SMOX: variants seen among roughly 807,000 people sequenced by gnomAD.
SMOX encodes the protein spermine oxidase, also known as flavin containing amine oxidase.
A neutral mutation model predicts 51.0 loss-of-function variants in SMOX; 22 were observed. That is an observed-to-expected ratio of 0.43 (90% CI 0.31 to 0.62). The LOEUF (loss-of-function observed/expected upper bound fraction) is 0.62. SMOX is among the 20% of genes least tolerant of loss of function. The pLI is 0.10. For missense variants in SMOX, 566 were observed against 777.7 expected (o/e 0.73, Z 3.24); for synonymous variants, 282 against 307.8 (o/e 0.92, Z 0.88).
intron 3 of SMOX, among the ~76,000 whole-genome samples, chr20:4,178,858 T>G (rs1236974923): frequency 6.6e-6 from 1 of 152,106 alleles, no homozygotes; most frequent in African/African-American, 2.4e-5. Context: ...TAATTTTGTA[T>G]TTTTAGTAGA....
intron 3 of SMOX, among the ~76,000 whole-genome samples, chr20:4,179,259 T>C (rs1332625432): frequency 6.6e-6 from 1 of 152,224 alleles, no homozygotes; most frequent in African/African-American, 2.4e-5. Context: ...TGGATGCCTC[T>C]TGAAAATGAC....
rs1032170744 is a variant in SMOX, at chr20:4,170,975, A to T, written c.-26-4055A>T. On this transcript the variant is annotated intron_variant, in intron 1 of 6. Transcript: ENST00000305958. The surrounding 1 kb of genome is among the most constrained non-coding windows in gnomAD (Gnocchi z 4.6). The stretch of plus-strand genomic sequence containing the variant: ...CTTGGGGACATGGAGAATAACCTCA[A>T]GGCGTGGGTGCAGGCGCTGGGCAAG... Among the ~76,000 whole-genome samples the T allele has an allele frequency of 1.1e-4, 17 of 152,162 alleles. No homozygotes were observed. Among genetic ancestry groups the T allele is most frequent in the African/African-American group, 4.1e-4 (17 of 41,440 alleles).
At chr20:4,163,357 G>A (rs1404271173) in intron 1 of SMOX, among the ~76,000 whole-genome samples, 1 of 152,322 alleles carries the variant, frequency 6.6e-6, no homozygotes, top group Admixed American at 6.5e-5. Context: ...TGTAGGGCCT[G>A]GGCCAGGCTC....
chr20:4,158,426 C>A (rs1267306220), intron 1 of SMOX, among the ~76,000 whole-genome samples: 1 of 152,148 alleles, frequency 6.6e-6, no homozygotes, highest in African/African-American at 2.4e-5. Flanking sequence ...TGAGGAAAAG[C>A]ATCTGGATTC....
rs1483448145 is a variant in SMOX at position 4,166,661 on chromosome 20, G to A, written c.-26-8369G>A. ...AAAGGGTCCTGAAACAATGAACCTC[G>A]GTGGTATGCAGGACACCAAGGGAAA... On this transcript the variant is annotated intron_variant, in intron 1 of 6. Transcript: ENST00000305958. The surrounding 1 kb of genome is among the most constrained non-coding windows in gnomAD (Gnocchi z 4.2). Among the ~76,000 whole-genome samples the A allele has an allele frequency of 6.6e-6, 1 of 152,196 alleles. No homozygotes were observed. Among genetic ancestry groups the A allele is most frequent in the African/African-American group, 2.4e-5 (1 of 41,446 alleles).
intron 1 of SMOX, among the ~76,000 whole-genome samples, chr20:4,168,070 T>TC (rs1986645413): frequency 9.2e-6 from 1 of 108,520 alleles, no homozygotes; most frequent in Admixed American, 1.4e-4. Context: ...CTCCCCAGCT[T>TC]CCCTCCCACT....
intron 1 of SMOX, among the ~76,000 whole-genome samples, chr20:4,155,536 G>C (rs1290534440): frequency 6.6e-6 from 1 of 152,118 alleles, no homozygotes; most frequent in Non-Finnish European, 1.5e-5. Context: ...GTCCCTCCAG[G>C]GGGGTTATCA....
At chr20:4,162,935 G>A (rs1315551311) in intron 1 of SMOX, among the ~76,000 whole-genome samples, 1 of 152,230 alleles carries the variant, frequency 6.6e-6, no homozygotes, top group Non-Finnish European at 1.5e-5. Flanking sequence ...GTGTCGGTGT[G>A]TGAGCAAGGT....
chr20:4,183,367 C>T lies in SMOX; in HGVS notation c.1370-127C>T. On this transcript the variant is annotated intron_variant, in intron 5 of 6. Coordinates refer to ENST00000305958, the MANE Select transcript of SMOX (RefSeq NM_175839.3). This position sits in a 1 kb window ranked among gnomAD's most constrained non-coding sequence, Gnocchi z 4.3. Reference sequence around the variant, plus strand: ...CTCCTTCCTCTTCTATCCTCCGTGCCTACCCCTGGCAGTCTGGTCCTCCCG... The same window carrying T: ...CTCCTTCCTCTTCTATCCTCCGTGCTTACCCCTGGCAGTCTGGTCCTCCCG... The T allele has an allele frequency of 1.4e-6, 2 of 1,395,544 alleles. No individual in the cohort carries two copies. Among genetic ancestry groups the T allele is most frequent in the South Asian group, 2.3e-5 (2 of 85,708 alleles). 86.4% of individuals were successfully genotyped at this position (1,395,544 alleles called of 1,614,324 possible). A position where few individuals can be genotyped will look rare whatever the true frequency, so the allele number is the denominator to read the frequency against.
At chr20:4,152,812 G>A (rs1041961674) in intron 1 of SMOX, among the ~76,000 whole-genome samples, 2 of 152,302 alleles carry the variant, frequency 1.3e-5, no homozygotes, top group East Asian at 3.9e-4. Context: ...GAAGACTGAG[G>A]CACAGTCATA....
At chr20:4,180,401 C>A (rs540941553) in intron 3 of SMOX, among the ~76,000 whole-genome samples, 2 of 152,280 alleles carry the variant, frequency 1.3e-5, no homozygotes, top group South Asian at 4.1e-4. Context: ...AGGGCAGACA[C>A]CATTCCCAGA....
intron 1 of SMOX, among the ~76,000 whole-genome samples, chr20:4,168,389 G>A (rs926599802): frequency 2.0e-5 from 3 of 152,160 alleles, no homozygotes; most frequent in African/African-American, 7.2e-5. Context: ...GCCAGGCAAA[G>A]TGAGCCAGGT....
chr20:4,156,706 C>T (rs941769525), intron 1 of SMOX, among the ~76,000 whole-genome samples: 1 of 152,184 alleles, frequency 6.6e-6, no homozygotes, highest in Admixed American at 6.5e-5. Flanking sequence ...CTGTCTGGTG[C>T]CTGGGATCCC....
At chr20:4,157,818 C>T (rs1986087645) in intron 1 of SMOX, among the ~76,000 whole-genome samples, 2 of 152,112 alleles carry the variant, frequency 1.3e-5, no homozygotes, top group Non-Finnish European at 2.9e-5. Flanking sequence ...TACCCTGCCT[C>T]GCCTCTGCCA....
chr20:4,174,496 C>G (rs1027563677), intron 1 of SMOX, among the ~76,000 whole-genome samples: 13 of 151,956 alleles, frequency 8.6e-5, no homozygotes, highest in Non-Finnish European at 1.8e-4. Flanking sequence ...AGGCAAGTAT[C>G]CGGGGTCTGT....
intron 1 of SMOX, among the ~76,000 whole-genome samples, chr20:4,157,875 G>A (rs1986090783): frequency 6.6e-6 from 1 of 152,090 alleles, no homozygotes; most frequent in Non-Finnish European, 1.5e-5. Flanking sequence ...AGCAGCTCAG[G>A]TGGGGGAGAT....
At position 4,149,849 on chromosome 20, in the gene SMOX, G is replaced by T. The variant is rs1985645199; in HGVS notation, c.-27+872G>T. Among the ~76,000 whole-genome samples, 1 of 152,178 alleles carries T rather than the reference G, an allele frequency of 6.6e-6. No individual in the cohort carries two copies. The highest frequency in any genetic ancestry group is 1.5e-5 in the Non-Finnish European group (1 of 68,032). On this transcript the variant is annotated intron_variant, in intron 1 of 6. Coordinates refer to ENST00000305958, the MANE Select transcript of SMOX (RefSeq NM_175839.3). This position sits in a 1 kb window ranked among gnomAD's most constrained non-coding sequence, Gnocchi z 6.0. Reference sequence around the variant, plus strand: ...ACCAGTCTGTGGGGGCAACTTGGCCGTGATTGGAGCCAGCAGTAGGTGCCC... The same window carrying T: ...ACCAGTCTGTGGGGGCAACTTGGCCTTGATTGGAGCCAGCAGTAGGTGCCC...
chr20:4,173,153 C>T (rs892423525), intron 1 of SMOX, among the ~76,000 whole-genome samples: 1 of 152,184 alleles, frequency 6.6e-6, no homozygotes, highest in East Asian at 1.9e-4. Context: ...AATCTTCATA[C>T]GTGCACTGGG....
At chr20:4,186,115 A>G (rs1359980014) in intron 6 of SMOX, among the ~76,000 whole-genome samples, 1 of 151,986 alleles carries the variant, frequency 6.6e-6, no homozygotes, top group East Asian at 1.9e-4. Context: ...CAGCCTGGGC[A>G]ACAAAGTAAG....
Sources: allele counts gnomAD v4.1 joint callset (sites outside exome capture counted in the v4.1 genomes callset), GRCh38; gene constraint gnomAD v4.1.1; non-coding constraint Gnocchi (gnomAD v3.1); transcripts MANE v1.5; gene names NCBI Gene and HGNC (gene_info 2026-07-23, HGNC 2026-07-21).